MKLN1: variants seen among roughly 807,000 people sequenced by gnomAD.
MKLN1 encodes muskelin 1, also known as muskelin.
In MKLN1, 18 loss-of-function variants were observed where a neutral mutation model predicts 99.0. The observed-to-expected ratio is 0.18, with a 90% CI of 0.13 to 0.27. The LOEUF is 0.27. Ranked by LOEUF, MKLN1 falls within the 10% of genes least tolerant of loss-of-function variation. MKLN1 has a pLI of 1.00. For missense variants in MKLN1, 621 were observed against 875.9 expected (o/e 0.71, Z 3.67); for synonymous variants, 288 against 293.2 (o/e 0.98, Z 0.18).
intron 4 of MKLN1, among the ~76,000 whole-genome samples, chr7:131,391,310 A>G (rs1260339063): frequency 6.6e-6 from 1 of 152,204 alleles, no homozygotes; most frequent in Admixed American, 6.5e-5. Flanking sequence ...TGTTTGAAAG[A>G]TCTTGCTTTA....
At chr7:131,431,171 G>A (rs905730370) in intron 9 of MKLN1, among the ~76,000 whole-genome samples, 9 of 151,768 alleles carry the variant, frequency 5.9e-5, no homozygotes, top group East Asian at 1.9e-4. Context: ...GCAGTGAGCC[G>A]AGATGGCACC....
intron 2 of MKLN1, among the ~76,000 whole-genome samples, chr7:131,168,276 A>G (rs938372173): frequency 6.6e-6 from 1 of 152,058 alleles, no homozygotes; most frequent in Admixed American, 6.6e-5. Flanking sequence ...ACAGCTCATT[A>G]GCCTCCCATG....
intron 3 of MKLN1, chr7:131,242,773 A>G: frequency 1.4e-6 from 1 of 692,402 alleles, no homozygotes; most frequent in Non-Finnish European, 2.7e-6. Context: ...GGCAAGAAGA[A>G]GATCTCTAAG....
At chr7:131,351,216 C>T (rs1288124643) in intron 1 of MKLN1, among the ~76,000 whole-genome samples, 1 of 151,526 alleles carries the variant, frequency 6.6e-6, no homozygotes, top group Non-Finnish European at 1.5e-5. Flanking sequence ...CCACCGCACT[C>T]CAGCCTGGGC....
At chr7:131,440,115 G>A (rs1795796034) in intron 10 of MKLN1, among the ~76,000 whole-genome samples, 1 of 152,134 alleles carries the variant, frequency 6.6e-6, no homozygotes, top group Admixed American at 6.5e-5. Context: ...GGCACAAATT[G>A]CACCCAGGGC....
chr7:131,235,294 A>T (rs1273580779), intron 3 of MKLN1, among the ~76,000 whole-genome samples: 1 of 148,082 alleles, frequency 6.8e-6, no homozygotes, highest in African/African-American at 2.5e-5. Flanking sequence ...ACACACACAC[A>T]CTGTGTGTGT....
At chr7:131,305,579 C>T (rs181800055) in intron 3 of MKLN1, among the ~76,000 whole-genome samples, 1 of 152,286 alleles carries the variant, frequency 6.6e-6, no homozygotes, top group Admixed American at 6.5e-5. Flanking sequence ...GACTCTTCAT[C>T]ACTGTACTAG....
chr7:131,190,560 CTATT>C (rs1796520176), intron 2 of MKLN1, among the ~76,000 whole-genome samples: 1 of 151,594 alleles, frequency 6.6e-6, no homozygotes, highest in Non-Finnish European at 1.5e-5. Context: ...TTTATAGAGA[CTATT>C]TTTTTTTCTT....
At chr7:131,469,508 C>G (rs1278980079) in intron 15 of MKLN1, among the ~76,000 whole-genome samples, 1 of 152,140 alleles carries the variant, frequency 6.6e-6, no homozygotes, top group African/African-American at 2.4e-5. Flanking sequence ...ATGGTCTTTA[C>G]CTAAAGGACT....
At chr7:131,411,038 C>G (rs1459765029) in intron 6 of MKLN1, among the ~76,000 whole-genome samples, 2 of 152,040 alleles carry the variant, frequency 1.3e-5, no homozygotes, top group African/African-American at 2.4e-5. Flanking sequence ...CTAATACATA[C>G]AGTGATGATG....
chr7:131,268,388 C>T (rs10279258), intron 3 of MKLN1, among the ~76,000 whole-genome samples: 4,042 of 152,200 alleles, frequency 0.027, 167 homozygotes, highest in African/African-American at 0.089. Context: ...GTCAGATAGG[C>T]TAATTGTTAT....
intron 1 of MKLN1, among the ~76,000 whole-genome samples, chr7:131,369,674 C>T (rs1273838951): frequency 6.6e-6 from 1 of 152,180 alleles, no homozygotes; most frequent in African/African-American, 2.4e-5. Context: ...TTCTTCATGG[C>T]ACTTTTTATA....
At chr7:131,329,528 G>A (rs1215769883) in intron 1 of MKLN1, among the ~76,000 whole-genome samples, 1 of 152,144 alleles carries the variant, frequency 6.6e-6, no homozygotes, top group Non-Finnish European at 1.5e-5. Context: ...TCTATACCCA[G>A]GCTAGGATTA....
At chr7:131,415,992 T>C (rs1795006275) in intron 8 of MKLN1, among the ~76,000 whole-genome samples, 1 of 152,140 alleles carries the variant, frequency 6.6e-6, no homozygotes, top group African/African-American at 2.4e-5. Flanking sequence ...GATGAGGTTT[T>C]GCCATGTTGC....
chr7:131,440,794 G>C (rs1011656971), intron 10 of MKLN1, among the ~76,000 whole-genome samples: 1 of 151,880 alleles, frequency 6.6e-6, no homozygotes, highest in African/African-American at 2.4e-5. Context: ...TTGAATTCAG[G>C]AACATTTTCC....
chr7:131,224,866 A>C (rs11974401), intron 3 of MKLN1, among the ~76,000 whole-genome samples: 1 of 151,578 alleles, frequency 6.6e-6, no homozygotes, highest in East Asian at 1.9e-4. Context: ...GAGGTCAGGA[A>C]ATCGAGACCA....
chr7:131,370,687 G>C (rs555846797), intron 1 of MKLN1, among the ~76,000 whole-genome samples: 1 of 152,220 alleles, frequency 6.6e-6, no homozygotes, highest in East Asian at 1.9e-4. Context: ...AACTGACAGG[G>C]CAAGTTCTTC....
chr7:131,230,477 T>C (rs950637263), intron 3 of MKLN1, among the ~76,000 whole-genome samples: 3 of 152,220 alleles, frequency 2.0e-5, no homozygotes, highest in Non-Finnish European at 4.4e-5. Context: ...TACTTTCATA[T>C]GTAGTCCCTT....
chr7:131,409,166 A>G (rs1794796075), intron 6 of MKLN1, among the ~76,000 whole-genome samples: 2 of 152,200 alleles, frequency 1.3e-5, no homozygotes, highest in Non-Finnish European at 2.9e-5. Context: ...AGTGTAATGG[A>G]TGTCATATTT....
Sources: gnomAD v4.1 joint callset for allele counts (sites outside exome capture counted in the v4.1 genomes callset) on GRCh38, gnomAD v4.1.1 for gene constraint, MANE v1.5 for transcripts, NCBI Gene and HGNC (gene_info 2026-07-23, HGNC 2026-07-21) for gene names.